The following HCN4 variants were observed in gnomAD, a reference collection of about 807,000 sequenced individuals.
HCN4 encodes potassium/sodium hyperpolarization-activated cyclic nucleotide-gated channel 4.
HCN4 carries 29 observed loss-of-function variants against 76.9 expected under a neutral mutation model. The ratio of observed to expected loss-of-function variants is 0.38; its 90% CI spans 0.28 to 0.51. The LOEUF (loss-of-function observed/expected upper bound fraction) is 0.51. Among genes scored for constraint, HCN4 ranks in the 20% least tolerant of loss-of-function variants. The probability of loss-of-function intolerance (pLI) is 0.90; values close to 1 mark genes in which losing one functional copy is unlikely to be tolerated. For synonymous variants in HCN4, 772 were observed against 762.5 expected, an observed-to-expected ratio of 1.01 and a Z score of -0.21; for missense variants, 1,416 against 1,715.2, an observed-to-expected ratio of 0.83 and a Z score of 3.08.
chr15:73,333,325 AG>A (rs2042943693), intron 2 of HCN4, among the ~76,000 whole-genome samples: 1 of 152,214 alleles, frequency 6.6e-6, no homozygotes. Context: ...AAGTGGGTCT[AG>A]CCACCCAGCC....
chr15:73,323,503 C>T lies in HCN4; in HGVS notation c.2590G>A (p.Gly864Arg), dbSNP rs2042877913. The change falls in exon 8 of 8, where the codon GGA becomes AGA. Residue 864 changes from glycine to arginine, a missense_variant. Physicochemically the swap from Gly to Arg is moderately radical, Grantham distance 125 (BLOSUM62 -2). Coordinates refer to ENST00000261917, the MANE Select transcript of HCN4 (RefSeq NM_005477.3). ...CTCAGTCCAGCGGGGGCAGAGAATCCAGCCAGCTGTTGGATGTGGAAGGAG... is the reference window on the plus strand; with the variant it reads ...CTCAGTCCAGCGGGGGCAGAGAATCTAGCCAGCTGTTGGATGTGGAAGGAG... ...SSSFHIQQLA[G>R]FSAPAGLSPL... 2 of 1,602,568 alleles carry T rather than the reference C, an allele frequency of 1.2e-6. No homozygotes were observed. The highest frequency in any genetic ancestry group is 2.2e-5 in the South Asian group (2 of 91,092).
rs756203437 is a variant in HCN4 at position 73,325,091 on chromosome 15, C to T, written c.1842G>A (p.Glu614=). 1 of 1,614,228 alleles carries T rather than the reference C, an allele frequency of 6.2e-7. No individual in the cohort carries two copies. The highest frequency in any genetic ancestry group is 1.7e-5 in the Admixed American group (1 of 60,026). ...VTSMLTKLRF[E]VFQPGDYIIR... Reference sequence around the variant, plus strand: ...TGATGTAGTCCCCAGGCTGGAAGACCTCGAAACGCAGCTTGGTCAGCATGG... The same window carrying T: ...TGATGTAGTCCCCAGGCTGGAAGACTTCGAAACGCAGCTTGGTCAGCATGG... Residue 614 remains glutamate (E), a synonymous_variant, in exon 6 of 8, where the codon GAG becomes GAA. Coordinates refer to ENST00000261917, the MANE Select transcript of HCN4 (RefSeq NM_005477.3). The surrounding 1 kb of genome is among the most constrained non-coding windows in gnomAD (Gnocchi z 7.4).
At position 73,367,725 on chromosome 15, in the gene HCN4, G is replaced by GGGCTGCTCGCAGGAGGCGGAGGCC; in HGVS notation, c.522_545dup (p.Ala175_Pro182dup). ...CCACTTTGATAGCGGTGTCCACCGAGGGCTGCTCGCAGGAGGCGGAGGCCG... is the reference window on the plus strand; with the variant it reads ...CCACTTTGATAGCGGTGTCCACCGAGGGCTGCTCGCAGGAGGCGGAGGCCGGCTGCTCGCAGGAGGCGGAGGCCG... On this transcript the variant is annotated inframe_insertion, in exon 1 of 8. Coordinates refer to ENST00000261917, the MANE Select transcript of HCN4 (RefSeq NM_005477.3). The surrounding 1 kb of genome is among the most constrained non-coding windows in gnomAD (Gnocchi z 7.5). The GGGCTGCTCGCAGGAGGCGGAGGCC allele has an allele frequency of 1.3e-6, 2 of 1,593,394 alleles. No homozygotes were observed. Among genetic ancestry groups the GGGCTGCTCGCAGGAGGCGGAGGCC allele is most frequent in the Non-Finnish European group, 1.7e-6 (2 of 1,177,406 alleles).
intron 4 of HCN4, among the ~76,000 whole-genome samples, chr15:73,327,334 C>T (rs2042906161): frequency 6.6e-6 from 1 of 151,986 alleles, no homozygotes; most frequent in Non-Finnish European, 1.5e-5. Flanking sequence ...TGGTCATGAA[C>T]TCTTGACCTC....
chr15:73,356,189 CT>C (rs527385643), intron 1 of HCN4, among the ~76,000 whole-genome samples: 10,372 of 135,136 alleles, frequency 0.077, 405 homozygotes, highest in Admixed American at 0.11. Flanking sequence ...TTGTTTTTTG[CT>C]TTTTTTTTTT....
chr15:73,344,957 T>A (rs1386513818), intron 1 of HCN4, among the ~76,000 whole-genome samples: 1 of 152,194 alleles, frequency 6.6e-6, no homozygotes, highest in Non-Finnish European at 1.5e-5. Context: ...AATTTAGACA[T>A]TTACACAATA....
At chr15:73,331,352 T>C (rs2042931440) in intron 3 of HCN4, among the ~76,000 whole-genome samples, 1 of 152,120 alleles carries the variant, frequency 6.6e-6, no homozygotes, top group African/African-American at 2.4e-5. Flanking sequence ...TGTTGGCGAG[T>C]GGGGGCAGCC....
rs555267414 is a variant in HCN4, at chr15:73,367,408, G to T, written c.785+78C>A. ...AGCGCAAGGCAGGAAAGTTAACTCC[G>T]GCTGGGAGGCAGGGTCAGGAGGAGG... On this transcript the variant is annotated intron_variant, in intron 1 of 7. Transcript: ENST00000261917. This position sits in a 1 kb window ranked among gnomAD's most constrained non-coding sequence, Gnocchi z 7.5. 6.2e-7 allele frequency: 1 copy of T among 1,601,864 alleles called. No individual in the cohort carries two copies.
At chr15:73,359,093 G>C (rs1466290741) in intron 1 of HCN4, among the ~76,000 whole-genome samples, 1 of 152,336 alleles carries the variant, frequency 6.6e-6, no homozygotes, top group East Asian at 1.9e-4. Context: ...CACCCACACA[G>C]ATAAATGCTT....
chr15:73,322,082 C>T lies in HCN4; in HGVS notation c.*399G>A. On this transcript the variant is annotated 3_prime_UTR_variant, in exon 8 of 8. Transcript: ENST00000261917. ...CCCTTTCTGGGGGCAGAGTGGAGCT[C>T]CAAGTTACAGCTAACGGGCTGATGG... The T allele has an allele frequency of 3.8e-6, 1 of 265,316 alleles. No homozygotes were observed. Among genetic ancestry groups the T allele is most frequent in the South Asian group, 4.3e-5 (1 of 23,248 alleles). 16.4% of individuals were successfully genotyped at this position (265,316 alleles called of 1,614,324 possible). A position where few individuals can be genotyped will look rare whatever the true frequency, so the allele number is the denominator to read the frequency against.
Position 73,368,168 on chromosome 15 carries a change from C to T in HCN4, c.103G>A (p.Glu35Lys). 6.5e-7 allele frequency: 1 copy of T among 1,530,446 alleles called. No individual in the cohort carries two copies. The highest frequency in any genetic ancestry group is 2.6e-5 in the East Asian group (1 of 38,508). The allele number at this position is 1,530,446 out of a possible 1,614,324, so 94.8% of individuals were successfully genotyped here. A position where few individuals can be genotyped will look rare whatever the true frequency, so the allele number is the denominator to read the frequency against. The change falls in exon 1 of 8, where the codon GAG becomes AAG. Residue 35 changes from glutamate to lysine, a missense_variant. Physicochemically the swap from Glu to Lys is moderately conservative, Grantham distance 56. Transcript: ENST00000261917. The surrounding 1 kb of genome is among the most constrained non-coding windows in gnomAD (Gnocchi z 6.9). The part of the protein sequence containing the change: ...IMDEEEDAEE[E>K]GAGGRQDPSR... ...GGGTCTTGGCGGCCCCCGGCCCCCTCCTCCTCGGCGTCCTCTTCCTCGTCC... is the reference window on the plus strand; with the variant it reads ...GGGTCTTGGCGGCCCCCGGCCCCCTTCTCCTCGGCGTCCTCTTCCTCGTCC...
intron 4 of HCN4, among the ~76,000 whole-genome samples, chr15:73,329,140 C>G (rs1567774398): frequency 6.6e-6 from 1 of 152,180 alleles, no homozygotes; most frequent in East Asian, 1.9e-4. Flanking sequence ...CCACTGGGGA[C>G]TCCAGTGGCA....
intron 2 of HCN4, among the ~76,000 whole-genome samples, chr15:73,342,818 A>G (rs1425686745): frequency 1.3e-5 from 2 of 152,334 alleles, no homozygotes; most frequent in East Asian, 1.9e-4. Context: ...AATGCTATAG[A>G]TCTAGCAACC....
intron 3 of HCN4, among the ~76,000 whole-genome samples, chr15:73,330,115 C>T (rs1318182514): frequency 1.3e-5 from 2 of 152,268 alleles, no homozygotes; most frequent in East Asian, 1.9e-4. Context: ...GCTGAGCCAC[C>T]GTGCTGTCCT....
intron 1 of HCN4, among the ~76,000 whole-genome samples, chr15:73,357,147 T>C (rs1196119750): frequency 6.6e-6 from 1 of 152,178 alleles, no homozygotes; most frequent in African/African-American, 2.4e-5. Context: ...AATTCAGGCT[T>C]TGGGATCTTG....
At chr15:73,356,041 T>C (rs1740573235) in intron 1 of HCN4, among the ~76,000 whole-genome samples, 2 of 151,970 alleles carry the variant, frequency 1.3e-5, no homozygotes, top group Admixed American at 6.6e-5. Flanking sequence ...TGTTGTGGAG[T>C]AGCACGGGAG....
In HCN4 at chr15:73,325,616, A is replaced by C. The variant is rs2098678146; in HGVS notation, c.1591-172T>G. ...TGTGGAAATGACCTCACTGTGCTCA[A>C]AACAACTGCCCGGGCTCCCAGCTGC... is the stretch of plus-strand genomic sequence containing the variant. On this transcript the variant is annotated intron_variant, in intron 4 of 7. Coordinates refer to ENST00000261917, the MANE Select transcript of HCN4 (RefSeq NM_005477.3). This position sits in a 1 kb window ranked among gnomAD's most constrained non-coding sequence, Gnocchi z 7.4. 6.6e-6 allele frequency among the ~76,000 whole-genome samples: 1 copy of C among 152,136 alleles called. No homozygotes were observed. Among genetic ancestry groups the C allele is most frequent in the Non-Finnish European group, 1.5e-5 (1 of 68,018 alleles).
At chr15:73,358,201 A>T (rs976863559) in intron 1 of HCN4, among the ~76,000 whole-genome samples, 1 of 152,154 alleles carries the variant, frequency 6.6e-6, no homozygotes, top group African/African-American at 2.4e-5. Context: ...GCCGGCCCCC[A>T]CACTGCAGGA....
chr15:73,356,349 A>G (rs1178002945), intron 1 of HCN4, among the ~76,000 whole-genome samples: 2 of 147,744 alleles, frequency 1.4e-5, no homozygotes, highest in African/African-American at 5.0e-5. Context: ...TACCATGCCC[A>G]GCTAATTTTT....
Sources: gnomAD v4.1 joint callset for allele counts (sites outside exome capture counted in the v4.1 genomes callset) on GRCh38, gnomAD v4.1.1 for gene constraint, Gnocchi (gnomAD v3.1) non-coding constraint, MANE v1.5 for transcripts, NCBI Gene and HGNC (gene_info 2026-07-23, HGNC 2026-07-21) for gene names.